ZNF483: variants seen among roughly 807,000 people sequenced by gnomAD.
ZNF483 encodes the protein zinc finger protein 483, also known as zinc finger protein HIT-10.
A neutral mutation model predicts 28.6 loss-of-function variants in ZNF483; 9 were observed. That is an observed-to-expected ratio of 0.32 (90% CI 0.19 to 0.55). ZNF483 has a LOEUF of 0.55. Among genes scored for constraint, ZNF483 ranks in the 20% least tolerant of loss-of-function variants. ZNF483 has a pLI of 0.93. For missense variants in ZNF483, 675 were observed against 871.7 expected, an observed-to-expected ratio of 0.77 and a Z score of 2.84; for synonymous variants, 322 against 306.2, an observed-to-expected ratio of 1.05 and a Z score of -0.54.
At position 111,549,123 on chromosome 9, in the gene ZNF483, A is replaced by G. The variant is rs772809394; in HGVS notation, c.*5953A>G. On this transcript the variant is annotated 3_prime_UTR_variant, in exon 6 of 6. Transcript: ENST00000309235. ...GGTTTATTGCTTTATTATCAGTGCAATAGAGAGTCACTGAGTCACTGGAGG... is the reference window on the plus strand; with the variant it reads ...GGTTTATTGCTTTATTATCAGTGCAGTAGAGAGTCACTGAGTCACTGGAGG... Among the ~76,000 whole-genome samples the G allele has an allele frequency of 2.0e-4, 31 of 152,276 alleles. No homozygotes were observed. Among genetic ancestry groups the G allele is most frequent in the Admixed American group, 9.8e-4 (15 of 15,304 alleles).
At chr9:111,563,142 C>A (rs1490209157) in intron 5 of ZNF483, 1 of 1,613,844 alleles carries the variant, frequency 6.2e-7, no homozygotes, top group East Asian at 2.2e-5. Context: ...CTATTGTCTT[C>A]CCCAAATTAT....
chr9:111,529,771 G>A lies in ZNF483; in HGVS notation c.413-1104G>A, dbSNP rs575146322. Among the ~76,000 whole-genome samples, 9 of 152,278 alleles carry A rather than the reference G, an allele frequency of 5.9e-5. No homozygotes were observed. The South Asian group carries it at 1.9e-3, about 32-fold the overall frequency. On this transcript the variant is annotated intron_variant, in intron 2 of 5. Coordinates refer to ENST00000309235, the MANE Select transcript of ZNF483 (RefSeq NM_133464.5). The stretch of plus-strand genomic sequence containing the variant: ...TTTTCACAGGAAACTTTTATCTATG[G>A]CTGTTCTCTGTTTTAAAGAGTGGGA...
Position 111,542,624 on chromosome 9 carries a change from C to G in ZNF483, c.1689C>G (p.Ser563Arg). Reference protein sequence around the residue: ...CSNCGKSFSHSSSLSKHQRIH... With the variant: ...CSNCGKSFSHRSSLSKHQRIH... ...ATTGTGGAAAATCCTTCAGTCATAG[C>G]TCATCCCTTTCCAAACATCAGAGAA... Residue 563 changes from serine to arginine, a missense_variant, in exon 6 of 6, where the codon AGC becomes AGG. Ser to Arg is a moderately radical substitution (Grantham distance 110, BLOSUM62 -1). Coordinates refer to ENST00000309235, the MANE Select transcript of ZNF483 (RefSeq NM_133464.5). This position sits in a 1 kb window ranked among gnomAD's most constrained non-coding sequence, Gnocchi z 6.2. The G allele has an allele frequency of 6.2e-7, 1 of 1,613,920 alleles. No individual in the cohort carries two copies. The highest frequency in any genetic ancestry group is 8.5e-7 in the Non-Finnish European group (1 of 1,179,964).
In ZNF483 at chr9:111,547,364, C is replaced by G. The variant is rs549243582; in HGVS notation, c.*4194C>G. On this transcript the variant is annotated 3_prime_UTR_variant, in exon 6 of 6. Coordinates refer to ENST00000309235, the MANE Select transcript of ZNF483 (RefSeq NM_133464.5). ...AATGGGTTTGAAGTGGCATCTTATT[C>G]TAGTTTTGTTTTGCATTTCCCTAGT... Among the ~76,000 whole-genome samples the G allele has an allele frequency of 6.6e-6, 1 of 152,158 alleles. No homozygotes were observed. The highest frequency in any genetic ancestry group is 2.1e-4 in the South Asian group (1 of 4,824).
intron 1 of ZNF483, among the ~76,000 whole-genome samples, chr9:111,525,972 CTG>C (rs1247720195): frequency 5.3e-5 from 8 of 152,168 alleles, no homozygotes; most frequent in Non-Finnish European, 1.2e-4. Context: ...CCTGGACCCT[CTG>C]TGAGCGTGAG....
At chr9:111,533,453 C>G (rs1589269575) in intron 3 of ZNF483, among the ~76,000 whole-genome samples, 1 of 152,126 alleles carries the variant, frequency 6.6e-6, no homozygotes, top group African/African-American at 2.4e-5. Flanking sequence ...AGGTAGAGGA[C>G]AGAGGATTAC....
downstream of ZNF483, among the ~76,000 whole-genome samples, chr9:111,559,966 T>G (rs1226770981): frequency 2.6e-5 from 4 of 152,206 alleles, no homozygotes; most frequent in Non-Finnish European, 4.4e-5. Flanking sequence ...ATTGTTTCAT[T>G]GTACTACAAT....
At chr9:111,569,273 C>G (rs993568682) in intron 5 of ZNF483, among the ~76,000 whole-genome samples, 1 of 152,090 alleles carries the variant, frequency 6.6e-6, no homozygotes, top group African/African-American at 2.4e-5. Flanking sequence ...TGACCATGAC[C>G]TGGGGCACTC....
intron 5 of ZNF483, chr9:111,563,429 T>A (rs1828401882): frequency 2.1e-6 from 1 of 482,740 alleles, no homozygotes; most frequent in Non-Finnish European, 3.6e-6. Context: ...GATTACAAAG[T>A]ACACCTAAGA....
intron 3 of ZNF483, among the ~76,000 whole-genome samples, chr9:111,532,308 G>C (rs1827368223): frequency 6.6e-6 from 1 of 152,102 alleles, no homozygotes; most frequent in Non-Finnish European, 1.5e-5. Flanking sequence ...TCCAGCCTGG[G>C]TAACAAAGTG....
chr9:111,542,169 A>G lies in ZNF483; in HGVS notation c.1234A>G (p.Met412Val), dbSNP rs568748618. The G allele has an allele frequency of 2.5e-6, 4 of 1,614,094 alleles. No individual in the cohort carries two copies. The highest frequency in any genetic ancestry group is 2.2e-5 in the East Asian group (1 of 44,886). ...AACTCTTTCTAGGAGAAAAACCCCT[A>G]TGTGTGAGAAATGTCGGAAAGATTC... The part of the protein sequence containing the change: ...RSTLSRRKTP[M>V]CEKCRKDSCQ... Residue 412 changes from methionine to valine, a missense_variant, in exon 6 of 6, where the codon ATG becomes GTG. Physicochemically the swap from Met to Val is conservative, Grantham distance 21 (BLOSUM62 1). Coordinates refer to ENST00000309235, the MANE Select transcript of ZNF483 (RefSeq NM_133464.5). This position sits in a 1 kb window ranked among gnomAD's most constrained non-coding sequence, Gnocchi z 6.2.
chr9:111,527,274 C>T lies in ZNF483; in HGVS notation c.-122C>T. 9.8e-7 allele frequency: 1 copy of T among 1,024,518 alleles called. No homozygotes were observed. The highest frequency in any genetic ancestry group is 2.4e-5 in the East Asian group (1 of 41,406). 63.5% of individuals were successfully genotyped at this position (1,024,518 alleles called of 1,614,324 possible). On this transcript the variant is annotated 5_prime_UTR_variant, in exon 2 of 6. An upstream open reading frame in the 5' UTR gains an earlier in-frame stop. Transcript: ENST00000309235. ...TAATATTTCTTCTTGACAGTTTCTGCAGGACTGTAAACTGGATTCCTGGAA... is the reference window on the plus strand; with the variant it reads ...TAATATTTCTTCTTGACAGTTTCTGTAGGACTGTAAACTGGATTCCTGGAA...
intron 5 of ZNF483, among the ~76,000 whole-genome samples, chr9:111,565,667 G>T (rs1377891250): frequency 2.0e-5 from 3 of 152,034 alleles, no homozygotes; most frequent in African/African-American, 7.3e-5. Flanking sequence ...GGGACTACAG[G>T]TGTGCACCAC....
Position 111,550,219 on chromosome 9 carries a change from T to A in ZNF483, c.*7049T>A, listed in dbSNP as rs1827900867. Reference sequence around the variant, plus strand: ...CAATGGCTTTCTGAATTCACCTAGATACACAGTTTTTTGAATGTCCAGAAA... The same window carrying A: ...CAATGGCTTTCTGAATTCACCTAGAAACACAGTTTTTTGAATGTCCAGAAA... On this transcript the variant is annotated 3_prime_UTR_variant, in exon 6 of 6. Coordinates refer to ENST00000309235, the MANE Select transcript of ZNF483 (RefSeq NM_133464.5). Among the ~76,000 whole-genome samples, 1 of 152,246 alleles carries A rather than the reference T, an allele frequency of 6.6e-6. No individual in the cohort carries two copies. The highest frequency in any genetic ancestry group is 1.5e-5 in the Non-Finnish European group (1 of 68,044).
rs1827710212 is a variant in ZNF483 at position 111,542,963 on chromosome 9, A to G, written c.2028A>G (p.Ser676=). 6.2e-7 allele frequency: 1 copy of G among 1,614,122 alleles called. No homozygotes were observed. The highest frequency in any genetic ancestry group is 1.3e-5 in the African/African-American group (1 of 75,038). ...GTGGGAAGTCCTTCAGTCAGAGTTCATCTCTTAATGAGCACCACCGAATTC... is the reference window on the plus strand; with the variant it reads ...GTGGGAAGTCCTTCAGTCAGAGTTCGTCTCTTAATGAGCACCACCGAATTC... ...KECGKSFSQS[S]SLNEHHRIHT... The change falls in exon 6 of 6, where the codon TCA becomes TCG. Residue 676 remains serine (S), a synonymous_variant. Transcript: ENST00000309235. The surrounding 1 kb of genome is among the most constrained non-coding windows in gnomAD (Gnocchi z 6.2).
In ZNF483 at chr9:111,550,259, CT is replaced by C. The variant is rs112862299; in HGVS notation, c.*7095del. 2.0e-5 allele frequency among the ~76,000 whole-genome samples: 3 copies of C among 152,224 alleles called. No homozygotes were observed. The highest frequency in any genetic ancestry group is 7.2e-5 in the African/African-American group (3 of 41,530). On this transcript the variant is annotated 3_prime_UTR_variant, in exon 6 of 6. Coordinates refer to ENST00000309235, the MANE Select transcript of ZNF483 (RefSeq NM_133464.5). ...ATGTCCAGAAAAACAGGTTTCATCC[CT>C]TTTTTCTCCTGGAAGCCACTTTAGC...
At chr9:111,571,072 A>T (rs1303925519) in intron 5 of ZNF483, among the ~76,000 whole-genome samples, 1 of 132,780 alleles carries the variant, frequency 7.5e-6, no homozygotes, top group African/African-American at 2.5e-5. Context: ...TTCAGAAGGA[A>T]TGCAGCCCTG....
Position 111,527,477 on chromosome 9 carries a change from G to A in ZNF483, c.82G>A (p.Val28Ile). The part of the protein sequence containing the change: ...QTLASTEQNE[V>I]PRVVTSGEQE... ...TCTGGCCTCGACTGAACAAAATGAG[G>A]TCCCAAGAGTGGTTACTTCTGGGGA... is the stretch of plus-strand genomic sequence containing the variant. Residue 28 changes from valine (V) to isoleucine (I), a missense_variant, in exon 2 of 6, where the codon GTC becomes ATC. Around this residue, in one of 6 missense-constraint regions of ZNF483, gnomAD observed 525 missense variants for 581.8 expected, o/e 0.90. Transcript: ENST00000309235. The A allele has an allele frequency of 6.2e-7, 1 of 1,614,178 alleles. No homozygotes were observed. The highest frequency in any genetic ancestry group is 8.5e-7 in the Non-Finnish European group (1 of 1,180,038).
At chr9:111,563,102 A>G in intron 5 of ZNF483, 1 of 1,610,688 alleles carries the variant, frequency 6.2e-7, no homozygotes, top group Non-Finnish European at 8.5e-7. Flanking sequence ...TGGCCTCCAG[A>G]TTCCATGTGT....
Sources: allele counts gnomAD v4.1 joint callset (sites outside exome capture counted in the v4.1 genomes callset), GRCh38; gene constraint gnomAD v4.1.1; regional missense constraint gnomAD v4.1.1; non-coding constraint Gnocchi (gnomAD v3.1); transcripts MANE v1.5; gene names NCBI Gene and HGNC (gene_info 2026-07-23, HGNC 2026-07-21).